Variants in THAP2 observed in about 807,000 individuals in gnomAD.
The protein encoded by THAP2 is THAP domain-containing protein 2.
Under a neutral mutation model 18.8 loss-of-function variants are expected in THAP2, and 16 were observed. That is an observed-to-expected ratio of 0.85 (90% CI 0.58 to 1.29). The LOEUF (loss-of-function observed/expected upper bound fraction) is 1.29, where lower values mean the gene tolerates loss of function less well. THAP2 is among the 50% of genes most tolerant of loss of function. The pLI is 0.00. For missense variants in THAP2, 251 were observed against 265.3 expected (o/e 0.95, Z 0.38); for synonymous variants, 80 against 89.2 (o/e 0.90, Z 0.58).
intron 1 of THAP2, chr12:71,665,341 C>T (rs2137574815): frequency 5.3e-6 from 1 of 188,672 alleles, no homozygotes; most frequent in East Asian, 1.5e-4. Context: ...TTTTATATAC[C>T]TAACAACGTA....
intron 1 of THAP2, 113 bp from the exon 2 acceptor site, chr12:71,674,090 T>A (rs915866130): frequency 9.1e-7 from 1 of 1,095,526 alleles, no homozygotes; most frequent in East Asian, 2.6e-5. Context: ...TAGTTTAAAA[T>A]TTTTTAGGTA....
chr12:71,665,566 C>T (rs1163101963), intron 1 of THAP2: 2 of 152,166 alleles, frequency 1.3e-5, no homozygotes, highest in Admixed American at 1.3e-4. Context: ...TTCTAACCCT[C>T]CTGGAATTTA....
At position 71,680,080 on chromosome 12, in the gene THAP2, A is replaced by G. The variant is rs1881576458; in HGVS notation, c.*2972A>G. On this transcript the variant is annotated 3_prime_UTR_variant, in exon 3 of 3. Coordinates refer to ENST00000308086, the MANE Select transcript of THAP2 (RefSeq NM_031435.4). ...GATTTTTAAAATAACTCAGAATCGT[A>G]TAAAGCACTTTGGTACTTATTTGTT... 1 of 152,230 alleles carries G rather than the reference A, an allele frequency of 6.6e-6. No homozygotes were observed. The highest frequency in any genetic ancestry group is 6.5e-5 in the Admixed American group (1 of 15,284). The allele number at this position is 152,230 out of a possible 1,614,324, so 9.4% of individuals were successfully genotyped here. A position where few individuals can be genotyped will look rare whatever the true frequency, so the allele number is the denominator to read the frequency against.
At position 71,676,782 on chromosome 12, in the gene THAP2, C is replaced by T; in HGVS notation, c.361C>T (p.Leu121=). The T allele has an allele frequency of 6.2e-7, 1 of 1,613,314 alleles. No individual in the cohort carries two copies. The highest frequency in any genetic ancestry group is 8.5e-7 in the Non-Finnish European group (1 of 1,179,538). The change falls in exon 3 of 3, where the codon CTA becomes TTA. Residue 121 remains leucine (L), a synonymous_variant. Transcript: ENST00000308086. ...LKSNISSQQV[L]LEHSYAFRNP... is the part of the protein sequence containing the mutation. ...ATCAAACATTAGTAGTCAGCAAGTA[C>T]TACTTGAACACAGCTATGCCTTTAG...
At chr12:71,675,503 T>C (rs1404930087) in intron 2 of THAP2, among the ~76,000 whole-genome samples, 1 of 152,108 alleles carries the variant, frequency 6.6e-6, no homozygotes, top group African/African-American at 2.4e-5. Context: ...GTGCTAGAGA[T>C]ACAAAGATCA....
At chr12:71,670,936 C>CAA (rs35547227) in intron 1 of THAP2, among the ~76,000 whole-genome samples, 3,967 of 98,834 alleles carry the variant, frequency 0.04, 219 homozygotes, top group African/African-American at 0.11. Context: ...AAAACTGTCT[C>CAA]AAAAAAAAAA....
rs1217765426 is a variant in THAP2, at chr12:71,678,454, T to G, written c.*1346T>G. The stretch of plus-strand genomic sequence containing the variant: ...TTCTTATCATTGCCACTTGAACAAT[T>G]AAAGGGTTTGCTTTATTTCACTAAT... On this transcript the variant is annotated 3_prime_UTR_variant, in exon 3 of 3. Transcript: ENST00000308086. The G allele has an allele frequency of 6.6e-6, 1 of 152,654 alleles. No homozygotes were observed. 9.5% of individuals were successfully genotyped at this position (152,654 alleles called of 1,614,324 possible). A position where few individuals can be genotyped will look rare whatever the true frequency, so the allele number is the denominator to read the frequency against.
Position 71,680,529 on chromosome 12 carries a change from T to C in THAP2, c.*3421T>C, listed in dbSNP as rs550071378. The stretch of plus-strand genomic sequence containing the variant: ...ACCAAAATATTGCATTCTTCTGATA[T>C]TTAGACAGTTGGAAACTTTCTAAAA... On this transcript the variant is annotated 3_prime_UTR_variant, in exon 3 of 3. Coordinates refer to ENST00000308086, the MANE Select transcript of THAP2 (RefSeq NM_031435.4). 2 of 152,766 alleles carry C rather than the reference T, an allele frequency of 1.3e-5. No homozygotes were observed. Among genetic ancestry groups the C allele is most frequent in the African/African-American group, 4.8e-5 (2 of 41,588 alleles). 9.5% of individuals were successfully genotyped at this position (152,766 alleles called of 1,614,324 possible).
chr12:71,678,616 T>C lies in THAP2; in HGVS notation c.*1508T>C, dbSNP rs899754308. On this transcript the variant is annotated 3_prime_UTR_variant, in exon 3 of 3. Coordinates refer to ENST00000308086, the MANE Select transcript of THAP2 (RefSeq NM_031435.4). ...ACATACAAAGGTAGCATAAACCAAG[T>C]CATAAATTGCTGTAATCTTTCCTGT... 6 of 152,176 alleles carry C rather than the reference T, an allele frequency of 3.9e-5. No homozygotes were observed. Among genetic ancestry groups the C allele is most frequent in the African/African-American group, 1.4e-4 (6 of 41,434 alleles). The allele number at this position is 152,176 out of a possible 1,614,324, so 9.4% of individuals were successfully genotyped here.
intron 1 of THAP2, 64 bp from the exon 2 acceptor site, chr12:71,674,139 A>T (rs1428310822): frequency 7.0e-7 from 1 of 1,437,312 alleles, no homozygotes; most frequent in African/African-American, 1.4e-5. Context: ...AATTTCTTTT[A>T]ATCATTTAGG....
chr12:71,675,227 G>C (rs374823896), intron 2 of THAP2, among the ~76,000 whole-genome samples: 31 of 152,114 alleles, frequency 2.0e-4, no homozygotes, highest in African/African-American at 7.2e-4. Context: ...GTTTGTAACT[G>C]TTAAACTTTT....
rs1049243324 is a variant in THAP2, at chr12:71,664,342, C to T, written c.-168C>T. 9.9e-6 allele frequency: 7 copies of T among 705,696 alleles called. No individual in the cohort carries two copies. The highest frequency in any genetic ancestry group is 1.8e-5 in the African/African-American group (1 of 56,066). The allele number at this position is 705,696 out of a possible 1,614,324, so 43.7% of individuals were successfully genotyped here. A position where few individuals can be genotyped will look rare whatever the true frequency, so the allele number is the denominator to read the frequency against. On this transcript the variant is annotated 5_prime_UTR_variant, in exon 1 of 3. Transcript: ENST00000308086. ...AAAGAGAAAGGGAAGGCTGACCGTC[C>T]TTCGCCTCCGCCCCCACATACACAC...
rs895184804 is a variant in THAP2 at position 71,679,199 on chromosome 12, A to T, written c.*2091A>T. ...ATAAAAATAAAATATTGTAAAATAC[A>T]ACAAATTTTGGACAAGGTTACTTCA... On this transcript the variant is annotated 3_prime_UTR_variant, in exon 3 of 3. Coordinates refer to ENST00000308086, the MANE Select transcript of THAP2 (RefSeq NM_031435.4). 6.6e-6 allele frequency: 1 copy of T among 152,196 alleles called. No individual in the cohort carries two copies. The highest frequency in any genetic ancestry group is 2.4e-5 in the African/African-American group (1 of 41,474). 9.4% of individuals were successfully genotyped at this position (152,196 alleles called of 1,614,324 possible).
rs143156747 is a variant in THAP2, at chr12:71,680,321, T to C, written c.*3213T>C. The C allele has an allele frequency of 2.6e-5, 4 of 152,640 alleles. No individual in the cohort carries two copies. Among genetic ancestry groups the C allele is most frequent in the African/African-American group, 9.6e-5 (4 of 41,586 alleles). The allele number at this position is 152,640 out of a possible 1,614,324, so 9.5% of individuals were successfully genotyped here. A position where few individuals can be genotyped will look rare whatever the true frequency, so the allele number is the denominator to read the frequency against. On this transcript the variant is annotated 3_prime_UTR_variant, in exon 3 of 3. Transcript: ENST00000308086. ...TGTTCACATTATCCTTTGTTTAACG[T>C]ATGAACCAGGTTACTAAAATAGGAT...
rs759526676 is a variant in THAP2 at position 71,677,168 on chromosome 12, A to G, written c.*60A>G. ...ATTCTTTTCAGAAGTAAAGATAATT[A>G]TGGCACTTATGCCAAAATTCATTAT... On this transcript the variant is annotated 3_prime_UTR_variant, in exon 3 of 3. Transcript: ENST00000308086. The G allele has an allele frequency of 1.5e-6, 2 of 1,367,718 alleles. No homozygotes were observed. The highest frequency in any genetic ancestry group is 1.9e-6 in the Non-Finnish European group (2 of 1,039,782). 84.7% of individuals were successfully genotyped at this position (1,367,718 alleles called of 1,614,324 possible).
intron 1 of THAP2, among the ~76,000 whole-genome samples, chr12:71,666,026 T>A (rs1881336616): frequency 6.6e-6 from 1 of 152,204 alleles, no homozygotes. Context: ...AGGGAATGTG[T>A]GAGCTGACAG....
chr12:71,668,892 A>G (rs1881387497), intron 1 of THAP2, among the ~76,000 whole-genome samples: 1 of 152,200 alleles, frequency 6.6e-6, no homozygotes, highest in Non-Finnish European at 1.5e-5. Flanking sequence ...GTGAACTTAA[A>G]TTTAGCTTAT....
intron 1 of THAP2, among the ~76,000 whole-genome samples, chr12:71,671,870 G>C (rs976311259): frequency 6.6e-6 from 1 of 152,130 alleles, no homozygotes; most frequent in Non-Finnish European, 1.5e-5. Flanking sequence ...GTGGCCAGGG[G>C]CATTGTCCAA....
chr12:71,679,316 T>C lies in THAP2; in HGVS notation c.*2208T>C, dbSNP rs1407567414. On this transcript the variant is annotated 3_prime_UTR_variant, in exon 3 of 3. Coordinates refer to ENST00000308086, the MANE Select transcript of THAP2 (RefSeq NM_031435.4). ...GTTTTCTCCGTGATTTTCATTGTGC[T>C]GTCCTGACAACATGCTCCAAACTCT... is the stretch of plus-strand genomic sequence containing the variant. 2.0e-5 allele frequency: 3 copies of C among 152,328 alleles called. No homozygotes were observed. Among genetic ancestry groups the C allele is most frequent in the Middle Eastern group, 3.4e-3 (1 of 294 alleles). The allele number at this position is 152,328 out of a possible 1,614,324, so 9.4% of individuals were successfully genotyped here.
Sources: gnomAD v4.1 joint callset for allele counts (sites outside exome capture counted in the v4.1 genomes callset) on GRCh38, gnomAD v4.1.1 for gene constraint, MANE v1.5 for transcripts, NCBI Gene and HGNC (gene_info 2026-07-23, HGNC 2026-07-21) for gene names.